The following SLC12A1 variants were observed in gnomAD, a reference collection of about 807,000 sequenced individuals.
SLC12A1 encodes the protein solute carrier family 12 member 1, also known as Na-K-2Cl cotransporter.
SLC12A1 carries 89 observed loss-of-function variants against 130.4 expected under a neutral mutation model. That is an observed-to-expected ratio of 0.68 (90% confidence interval 0.58 to 0.81). The LOEUF is 0.81. Ranked by LOEUF, SLC12A1 falls within the 40% of genes least tolerant of loss-of-function variation. The probability of loss-of-function intolerance (pLI) is 0.00; values close to 1 mark genes in which losing one functional copy is unlikely to be tolerated. For synonymous variants in SLC12A1, 499 were observed against 460.0 expected (o/e 1.08, Z -1.09); for missense variants, 1,310 against 1,336.4 (o/e 0.98, Z 0.31).
chr15:48,284,694 C>G (rs148440908), intron 20 of SLC12A1, among the ~76,000 whole-genome samples: 14 of 152,310 alleles, frequency 9.2e-5, no homozygotes, highest in African/African-American at 3.1e-4. Context: ...GGCTGCAGTG[C>G]AGTGGCATGA....
At chr15:48,254,916 T>G (rs1217024927) in intron 15 of SLC12A1, among the ~76,000 whole-genome samples, 1 of 151,392 alleles carries the variant, frequency 6.6e-6, no homozygotes, top group African/African-American at 2.4e-5. Context: ...AGAGCCAGAC[T>G]CCGTCTCAAA....
rs765883227 is a variant in SLC12A1, at chr15:48,208,011, C to A, written c.292C>A (p.Leu98Ile). The stretch of plus-strand genomic sequence containing the variant: ...TGATTCTCACACAAACACATACTAT[C>A]TACAAACTTTTGGCCACAACACCAT... ...AYDSHTNTYY[L>I]QTFGHNTMDA... Residue 98 changes from leucine (L) to isoleucine (I), a missense_variant, in exon 2 of 27, where the codon CTA (leucine) becomes ATA (isoleucine). By Grantham distance (5) the Leu-to-Ile change is conservative. Coordinates refer to ENST00000380993, the MANE Select transcript of SLC12A1 (RefSeq NM_000338.3). 6.2e-7 allele frequency: 1 copy of A among 1,613,976 alleles called. No individual in the cohort carries two copies. Among genetic ancestry groups the A allele is most frequent in the Non-Finnish European group, 8.5e-7 (1 of 1,179,884 alleles).
chr15:48,230,676 G>C (rs886271290), intron 7 of SLC12A1, among the ~76,000 whole-genome samples, 173 bp downstream of exon 7: 3 of 152,266 alleles, frequency 2.0e-5, no homozygotes, highest in Non-Finnish European at 4.4e-5. Flanking sequence ...AGCCCAGGCA[G>C]TCATGATTCA....
chr15:48,275,891 C>T (rs2041947166), intron 20 of SLC12A1, among the ~76,000 whole-genome samples: 1 of 152,100 alleles, frequency 6.6e-6, no homozygotes, highest in African/African-American at 2.4e-5. Flanking sequence ...GGTGGTCAAA[C>T]TTGGGTTTTA....
intron 4 of SLC12A1, chr15:48,225,942 G>C (rs1313496693): frequency 1.0e-6 from 1 of 973,684 alleles, no homozygotes. Flanking sequence ...GGATGTGTCA[G>C]AGGAGGTAAT....
intron 2 of SLC12A1, among the ~76,000 whole-genome samples, chr15:48,210,693 T>TAA (rs34235092): frequency 1.6e-5 from 2 of 122,608 alleles, no homozygotes; most frequent in Admixed American, 8.3e-5. Flanking sequence ...CTTCTCTACT[T>TAA]AAAAAAAAAA....
intron 4 of SLC12A1, chr15:48,224,949 G>C (rs1296397306): frequency 6.6e-6 from 1 of 152,058 alleles, no homozygotes; most frequent in Non-Finnish European, 1.5e-5. Context: ...CCTTGGGGCA[G>C]CTTTTTAAAT....
chr15:48,296,645 T>C (rs771995938), intron 24 of SLC12A1, among the ~76,000 whole-genome samples: 2 of 152,162 alleles, frequency 1.3e-5, no homozygotes, highest in African/African-American at 2.4e-5. Context: ...TTAAACTTTA[T>C]TATGAGGAAC....
In SLC12A1 at chr15:48,206,304, A is replaced by G. The variant is rs1258651556; in HGVS notation, c.-213A>G. ...CCTGGGTGACGCTGAAGCAGGTTAC[A>G]TTTCCTCAGAAGAAGGCTCCTTGGT... is the stretch of plus-strand genomic sequence containing the variant. On this transcript the variant is annotated 5_prime_UTR_variant, in exon 1 of 27. Transcript: ENST00000380993. 1.3e-5 allele frequency: 2 copies of G among 152,176 alleles called. No homozygotes were observed. The highest frequency in any genetic ancestry group is 1.3e-4 in the Admixed American group (2 of 15,272). The allele number at this position is 152,176 out of a possible 1,614,324, so 9.4% of individuals were successfully genotyped here. A position where few individuals can be genotyped will look rare whatever the true frequency, so the allele number is the denominator to read the frequency against.
intron 24 of SLC12A1, among the ~76,000 whole-genome samples, chr15:48,297,231 T>C (rs1360532472): frequency 2.0e-5 from 3 of 152,180 alleles, no homozygotes; most frequent in South Asian, 4.1e-4. Flanking sequence ...GTATGTTCCG[T>C]AGGAGAGAAA....
intron 11 of SLC12A1, 112 bp from the exon 12 acceptor site, chr15:48,246,797 G>C (rs200630201): frequency 1.3e-6 from 1 of 790,378 alleles, no homozygotes; most frequent in Non-Finnish European, 2.2e-6. Context: ...ACAACAACAA[G>C]AAAAGGAATG....
intron 6 of SLC12A1, 136 bp downstream of exon 6, chr15:48,229,464 C>T: frequency 1.2e-6 from 1 of 841,098 alleles, no homozygotes; most frequent in Non-Finnish European, 1.8e-6. Context: ...CTGGGCTTGG[C>T]ATCAGAAGAT....
chr15:48,291,556 C>T (rs1007700435), intron 23 of SLC12A1, among the ~76,000 whole-genome samples: 1 of 152,134 alleles, frequency 6.6e-6, no homozygotes, highest in Non-Finnish European at 1.5e-5. Context: ...GTGTCTGCAC[C>T]TACAGGGGTT....
At chr15:48,271,204 C>G (rs1322656079) in intron 19 of SLC12A1, among the ~76,000 whole-genome samples, 3 of 152,030 alleles carry the variant, frequency 2.0e-5, no homozygotes, top group Non-Finnish European at 2.9e-5. Context: ...AAGATTAAAA[C>G]TCTGCCTCAA....
At chr15:48,284,290 T>C (rs748105450) in intron 20 of SLC12A1, among the ~76,000 whole-genome samples, 3 of 152,244 alleles carry the variant, frequency 2.0e-5, no homozygotes, top group Non-Finnish European at 4.4e-5. Context: ...TAGAGTTTAT[T>C]GTAAGATTTT....
intron 5 of SLC12A1, chr15:48,227,530 A>G: frequency 3.6e-6 from 1 of 278,430 alleles, no homozygotes; most frequent in South Asian, 4.4e-5. Flanking sequence ...CCCAGATGGC[A>G]TTGCTGATGA....
At chr15:48,260,701 A>G (rs1217547690) in intron 17 of SLC12A1, among the ~76,000 whole-genome samples, 6 of 152,200 alleles carry the variant, frequency 3.9e-5, no homozygotes, top group Admixed American at 3.3e-4. Flanking sequence ...TGGGAGTACT[A>G]TTGAAATCCA....
chr15:48,300,689 T>A lies in SLC12A1; in HGVS notation c.3097-626T>A, dbSNP rs1456621524. On this transcript the variant is annotated intron_variant, in intron 25 of 26. Coordinates refer to ENST00000380993, the MANE Select transcript of SLC12A1 (RefSeq NM_000338.3). ...TTCATATAATTGAGCAAATCATGCA[T>A]CTGAGCCTTGGTTTCTGAACCAGTG... 3.9e-5 allele frequency among the ~76,000 whole-genome samples: 6 copies of A among 152,372 alleles called. No individual in the cohort carries two copies. The South Asian group carries it at 6.2e-4, about 16-fold the overall frequency.
chr15:48,235,930 T>C (rs966320296), intron 9 of SLC12A1, among the ~76,000 whole-genome samples: 1 of 152,068 alleles, frequency 6.6e-6, no homozygotes, highest in African/African-American at 2.4e-5. Flanking sequence ...CTGCTGACAT[T>C]CCATAGGCCA....
Sources: gnomAD v4.1 joint callset for allele counts (sites outside exome capture counted in the v4.1 genomes callset) on GRCh38, gnomAD v4.1.1 for gene constraint, MANE v1.5 for transcripts, NCBI Gene and HGNC (gene_info 2026-07-23, HGNC 2026-07-21) for gene names.